The following CYYR1 variants were observed in gnomAD, a reference collection of about 807,000 sequenced individuals.
CYYR1 encodes the protein cysteine and tyrosine rich 1.
Under a neutral mutation model 15.2 loss-of-function variants are expected in CYYR1, and 14 were observed. The observed-to-expected ratio is 0.92, with a 90% confidence interval of 0.61 to 1.44. The LOEUF is 1.44. Ranked by LOEUF, CYYR1 falls within the 40% of genes most tolerant of loss-of-function variation. The pLI is 0.00. For synonymous variants in CYYR1, 80 were observed against 77.4 expected, an observed-to-expected ratio of 1.03 and a Z score of -0.18; for missense variants, 228 against 209.5, an observed-to-expected ratio of 1.09 and a Z score of -0.54.
intron 2 of CYYR1, among the ~76,000 whole-genome samples, chr21:26,533,177 A>G (rs1335561348): frequency 6.7e-6 from 1 of 149,446 alleles, no homozygotes; most frequent in Non-Finnish European, 1.5e-5. Context: ...ACTATTTACT[A>G]TAGTAAATAC....
In CYYR1 at chr21:26,512,997, G is replaced by A. The variant is rs370191967; in HGVS notation, c.177-32568C>T. Among the ~76,000 whole-genome samples the A allele has an allele frequency of 5.3e-5, 8 of 152,128 alleles. No individual in the cohort carries two copies. In the South Asian group the frequency reaches 1.7e-3, roughly 32 times the overall value. ...ATGCAGACCAGATTCTCTCCAGCTC[G>A]CCCACCTACTACATATTCTTCCCTT... On this transcript the variant is annotated intron_variant, in intron 2 of 3. Transcript: ENST00000652641.
At chr21:26,496,770 T>C (rs2065410413) in intron 2 of CYYR1, among the ~76,000 whole-genome samples, 1 of 152,192 alleles carries the variant, frequency 6.6e-6, no homozygotes. Flanking sequence ...AGAATATTTA[T>C]TGATATTTAT....
chr21:26,511,987 T>TATACACACACAC (rs140147080), intron 2 of CYYR1, among the ~76,000 whole-genome samples: 1 of 148,122 alleles, frequency 6.8e-6, no homozygotes, highest in African/African-American at 2.5e-5. Flanking sequence ...ATATCACACA[T>TATACACACACAC]ACACACACAC....
intron 1 of CYYR1, among the ~76,000 whole-genome samples, chr21:26,566,716 T>C (rs1183075901): frequency 6.6e-6 from 1 of 152,148 alleles, no homozygotes; most frequent in African/African-American, 2.4e-5. Context: ...TTTTAAATGA[T>C]AAAGCCTTCT....
intron 2 of CYYR1, among the ~76,000 whole-genome samples, chr21:26,548,547 A>G (rs73351170): frequency 0.045 from 6,796 of 152,206 alleles, 522 homozygotes; most frequent in African/African-American, 0.15. Context: ...AAGTCTTGCT[A>G]TGTTGTCCAG....
At chr21:26,484,674 A>G (rs886283449) in intron 2 of CYYR1, among the ~76,000 whole-genome samples, 3 of 152,164 alleles carry the variant, frequency 2.0e-5, no homozygotes, top group East Asian at 1.9e-4. Flanking sequence ...GAAATAATCA[A>G]TGGCCCAGTT....
intron 2 of CYYR1, among the ~76,000 whole-genome samples, chr21:26,496,009 C>T (rs1341184078): frequency 6.6e-6 from 1 of 152,134 alleles, no homozygotes; most frequent in African/African-American, 2.4e-5. Context: ...AATTTGAGGG[C>T]CAAACCCATT....
intron 2 of CYYR1, among the ~76,000 whole-genome samples, chr21:26,483,889 C>T (rs2065216492): frequency 6.6e-6 from 1 of 151,986 alleles, no homozygotes; most frequent in African/African-American, 2.4e-5. Flanking sequence ...GTTTGGTGCT[C>T]ATTTGACTCT....
chr21:26,535,856 T>A (rs1978296326), intron 2 of CYYR1, among the ~76,000 whole-genome samples: 1 of 152,108 alleles, frequency 6.6e-6, no homozygotes. Context: ...ACTCAGTGAG[T>A]TTGTATGTTC....
chr21:26,551,374 T>A (rs1294134846), intron 2 of CYYR1: 10 of 152,562 alleles, frequency 6.6e-5, no homozygotes, highest in Admixed American at 6.6e-4. Flanking sequence ...GAGAAATAAA[T>A]TTTGTAAGGC....
At chr21:26,486,601 T>C (rs2065250790) in intron 2 of CYYR1, among the ~76,000 whole-genome samples, 1 of 151,734 alleles carries the variant, frequency 6.6e-6, no homozygotes, top group African/African-American at 2.4e-5. Context: ...GGACTGTTTC[T>C]AGGTTCTAAT....
At chr21:26,508,422 TG>T (rs1954174308) in intron 2 of CYYR1, among the ~76,000 whole-genome samples, 1 of 152,164 alleles carries the variant, frequency 6.6e-6, no homozygotes, top group Non-Finnish European at 1.5e-5. Flanking sequence ...GGTTGGATTG[TG>T]GGAAAGCTGA....
intron 2 of CYYR1, among the ~76,000 whole-genome samples, chr21:26,487,686 T>A (rs913452961): frequency 1.3e-5 from 2 of 152,142 alleles, no homozygotes; most frequent in African/African-American, 2.4e-5. Context: ...TTTTCAATAT[T>A]AACAGTATTT....
At chr21:26,562,734 A>G (rs1286270300) in intron 2 of CYYR1, among the ~76,000 whole-genome samples, 3 of 108,804 alleles carry the variant, frequency 2.8e-5, no homozygotes, top group Non-Finnish European at 6.1e-5. Context: ...CTAAACACAC[A>G]CACACACACA....
chr21:26,480,576 TA>T, intron 2 of CYYR1, 147 bp from the exon 3 acceptor site: 4 of 802,998 alleles, frequency 5.0e-6, no homozygotes, highest in African/African-American at 1.8e-5. Context: ...TTTTTTTTTT[TA>T]AAACCCATAA....
intron 2 of CYYR1, among the ~76,000 whole-genome samples, chr21:26,488,152 C>T (rs1803009396): frequency 6.6e-6 from 1 of 152,050 alleles, no homozygotes; most frequent in Admixed American, 6.6e-5. Context: ...ATGACAGAGA[C>T]AATTGTGTAA....
chr21:26,514,226 G>C (rs1418793956), intron 2 of CYYR1, among the ~76,000 whole-genome samples: 1 of 152,094 alleles, frequency 6.6e-6, no homozygotes, highest in African/African-American at 2.4e-5. Context: ...GCTCTAATTT[G>C]GTTTGACCCC....
rs368562623 is a variant in CYYR1, at chr21:26,549,957, TTTA to T, written c.176+16306_176+16308del. Among the ~76,000 whole-genome samples the T allele has an allele frequency of 3.1e-3, 470 of 152,340 alleles. 1 individual carries two copies. Among genetic ancestry groups the T allele is most frequent in the African/African-American group, 0.011 (446 of 41,582 alleles). On this transcript the variant is annotated intron_variant, in intron 2 of 3. Coordinates refer to ENST00000652641, the MANE Select transcript of CYYR1 (RefSeq NM_001320768.2). ...GCATACCTCATTTTATTGTATTTTC[TTTA>T]TTGAGTCTCACAGATATTATGTTAT...
intron 3 of CYYR1, chr21:26,470,985 G>T (rs2065025872): frequency 6.6e-6 from 1 of 152,208 alleles, no homozygotes; most frequent in Non-Finnish European, 1.5e-5. Flanking sequence ...ATACATCAGC[G>T]AGGATGCATA....
Sources: allele counts gnomAD v4.1 joint callset (sites outside exome capture counted in the v4.1 genomes callset), GRCh38; gene constraint gnomAD v4.1.1; transcripts MANE v1.5; gene names NCBI Gene and HGNC (gene_info 2026-07-23, HGNC 2026-07-21).